The following PCTP variants were observed in gnomAD, a reference collection of about 807,000 sequenced individuals.
The protein encoded by PCTP is START domain-containing protein 2.
Under a neutral mutation model 31.0 loss-of-function variants are expected in PCTP, and 27 were observed. The observed-to-expected ratio is 0.87, with a 90% CI of 0.64 to 1.20. The LOEUF (loss-of-function observed/expected upper bound fraction) is 1.20. Among genes scored for constraint, PCTP ranks in the 50% most tolerant of loss-of-function variants. The pLI is 0.00. For synonymous variants in PCTP, 108 were observed against 101.2 expected, an observed-to-expected ratio of 1.07 and a Z score of -0.40; for missense variants, 287 against 268.2, an observed-to-expected ratio of 1.07 and a Z score of -0.49.
Position 55,793,928 on chromosome 17 carries a change from C to T in PCTP, c.317+6274C>T, listed in dbSNP as rs369454379. Among the ~76,000 whole-genome samples, 33 of 152,118 alleles carry T rather than the reference C, an allele frequency of 2.2e-4. No individual in the cohort carries two copies. In the South Asian group the frequency reaches 2.7e-3, roughly 12 times the overall value. Reference sequence around the variant, plus strand: ...AGTAGCGGAATTGAATTTGAATGCCCGCCTTCACAGTAGAAGTTAAGTGTT... The same window carrying T: ...AGTAGCGGAATTGAATTTGAATGCCTGCCTTCACAGTAGAAGTTAAGTGTT... On this transcript the variant is annotated intron_variant, in intron 3 of 3. Coordinates refer to the PCTP transcript ENST00000572536.
chr17:55,781,065 CA>C, downstream of PCTP, among the ~76,000 whole-genome samples: 1 of 151,820 alleles, frequency 6.6e-6, no homozygotes, highest in South Asian at 2.1e-4. Context: ...ATGAATAGCT[CA>C]AAAAGAGTGT....
intron 1 of PCTP, among the ~76,000 whole-genome samples, chr17:55,757,333 G>C (rs905320191): frequency 6.6e-6 from 1 of 151,134 alleles, no homozygotes; most frequent in African/African-American, 2.4e-5. Flanking sequence ...TCAAGTTTGA[G>C]ATTCTAATAC....
At chr17:55,803,125 T>C (rs956723373) in intron 3 of PCTP, among the ~76,000 whole-genome samples, 5 of 151,928 alleles carry the variant, frequency 3.3e-5, no homozygotes, top group Admixed American at 2.6e-4. Context: ...ACAAAGAGAA[T>C]AAAATACTGA....
At chr17:55,786,050 A>AGGCAG (rs1373692272) in intron 2 of PCTP, among the ~76,000 whole-genome samples, 23 of 152,190 alleles carry the variant, frequency 1.5e-4, no homozygotes, top group African/African-American at 5.5e-4. Flanking sequence ...TGGGGGGCCG[A>AGGCAG]GGCAGGCAGA....
chr17:55,751,294 C>A (rs1490111469), intron 1 of PCTP, 50 bp downstream of exon 1: 1 of 1,517,060 alleles, frequency 6.6e-7, no homozygotes, highest in Non-Finnish European at 8.8e-7. Context: ...GCGCCGGGGT[C>A]GACCTCCCCG....
downstream of PCTP, among the ~76,000 whole-genome samples, chr17:55,843,948 G>A (rs1906065601): frequency 6.6e-6 from 1 of 152,172 alleles, no homozygotes; most frequent in Admixed American, 6.5e-5. Flanking sequence ...AGCTCAGAAA[G>A]TTATAACTAT....
chr17:55,820,033 G>C (rs1236983439), intron 3 of PCTP, among the ~76,000 whole-genome samples: 1 of 152,034 alleles, frequency 6.6e-6, no homozygotes, highest in Non-Finnish European at 1.5e-5. Context: ...ATAGATCAAA[G>C]ACCTTAAATG....
At chr17:55,812,784 A>T (rs886554132) in intron 3 of PCTP, among the ~76,000 whole-genome samples, 2 of 152,124 alleles carry the variant, frequency 1.3e-5, no homozygotes, top group African/African-American at 2.4e-5. Flanking sequence ...ACCCCATCTT[A>T]TTGGGAGTAA....
rs984743959 is a variant in PCTP, at chr17:55,776,220, C to T, written c.*120C>T. ...GAAGTGTCTCTGGAAGAGCACCCAC[C>T]ACTGTTCAGCCTTCCCCTGCTGTTT... On this transcript the variant is annotated 3_prime_UTR_variant, in exon 6 of 6. Transcript: ENST00000268896. 19 of 1,491,400 alleles carry T rather than the reference C, an allele frequency of 1.3e-5. No homozygotes were observed. Among genetic ancestry groups the T allele is most frequent in the African/African-American group, 2.8e-5 (2 of 71,054 alleles). 92.4% of individuals were successfully genotyped at this position (1,491,400 alleles called of 1,614,324 possible). A position where few individuals can be genotyped will look rare whatever the true frequency, so the allele number is the denominator to read the frequency against.
chr17:55,821,945 A>T (rs1471737141), intron 3 of PCTP, among the ~76,000 whole-genome samples: 1 of 152,114 alleles, frequency 6.6e-6, no homozygotes, highest in East Asian at 1.9e-4. Context: ...CGCTGTGGAT[A>T]TGGGGTGGCA....
intron 3 of PCTP, among the ~76,000 whole-genome samples, chr17:55,791,374 C>A (rs1911969302): frequency 6.1e-5 from 9 of 146,544 alleles, no homozygotes; most frequent in African/African-American, 1.8e-4. Context: ...AGGCAACCTA[C>A]AAAATGGGAG....
At chr17:55,808,180 G>C (rs1318440635) in intron 3 of PCTP, among the ~76,000 whole-genome samples, 2 of 152,148 alleles carry the variant, frequency 1.3e-5, no homozygotes, top group Non-Finnish European at 2.9e-5. Flanking sequence ...ATTAGACCAA[G>C]GTTTGGAACC....
chr17:55,838,353 T>C (rs1905845957), intron 5 of PCTP, among the ~76,000 whole-genome samples: 1 of 152,198 alleles, frequency 6.6e-6, no homozygotes, highest in Non-Finnish European at 1.5e-5. Flanking sequence ...TACTGTCCCC[T>C]CTGCCCTATT....
downstream of PCTP, among the ~76,000 whole-genome samples, chr17:55,826,467 G>GAAAA (rs11407655): frequency 7.4e-6 from 1 of 135,636 alleles, no homozygotes; most frequent in African/African-American, 2.7e-5. Context: ...AAAAAGATAA[G>GAAAA]AAAAAAAAAA....
intron 3 of PCTP, among the ~76,000 whole-genome samples, chr17:55,809,481 G>C (rs1297716098): frequency 6.6e-6 from 1 of 151,368 alleles, no homozygotes; most frequent in East Asian, 1.9e-4. Flanking sequence ...TCTGACTTGA[G>C]ATTGTTTGAG....
At chr17:55,792,325 G>C (rs1284436218) in intron 3 of PCTP, among the ~76,000 whole-genome samples, 1 of 140,276 alleles carries the variant, frequency 7.1e-6, no homozygotes, top group Admixed American at 7.1e-5. Flanking sequence ...ATAAAAAAAA[G>C]AAAAAAAAAA....
chr17:55,767,299 A>G lies in PCTP; in HGVS notation c.142-36A>G, dbSNP rs1486473929. 2.3e-6 allele frequency: 3 copies of G among 1,321,206 alleles called. No individual in the cohort carries two copies. In the African/African-American group the frequency reaches 4.4e-5, roughly 19 times the overall value. 81.8% of individuals were successfully genotyped at this position (1,321,206 alleles called of 1,614,324 possible). A position where few individuals can be genotyped will look rare whatever the true frequency, so the allele number is the denominator to read the frequency against. On this transcript the variant is annotated intron_variant, in intron 1 of 5. Coordinates refer to ENST00000268896, the MANE Select transcript of PCTP (RefSeq NM_021213.4). ...GAATGCAGCTTTCTCTCAACTTGGG[A>G]ACCAATAGACATTTCTACCTGTTCT...
At chr17:55,762,999 G>A (rs1043975034) in intron 1 of PCTP, among the ~76,000 whole-genome samples, 25 of 152,260 alleles carry the variant, frequency 1.6e-4, no homozygotes, top group African/African-American at 4.8e-4. Flanking sequence ...TATAACTGGA[G>A]CATTAGAAAA....
intron 3 of PCTP, among the ~76,000 whole-genome samples, chr17:55,792,556 T>C (rs1912036453): frequency 6.6e-6 from 1 of 152,132 alleles, no homozygotes; most frequent in African/African-American, 2.4e-5. Context: ...CTTTTTAACC[T>C]TTCTATCCCT....
Sources: allele counts gnomAD v4.1 joint callset (sites outside exome capture counted in the v4.1 genomes callset), GRCh38; gene constraint gnomAD v4.1.1; transcripts MANE v1.5; gene names NCBI Gene and HGNC (gene_info 2026-07-23, HGNC 2026-07-21).